STAT4: variants seen among roughly 807,000 people sequenced by gnomAD.
STAT4 encodes signal transducer and activator of transcription 4.
Under a neutral mutation model 110.5 loss-of-function variants are expected in STAT4, and 42 were observed. That is an observed-to-expected ratio of 0.38 (90% CI 0.30 to 0.49). The LOEUF (loss-of-function observed/expected upper bound fraction) is 0.49. STAT4 is among the 20% of genes least tolerant of loss of function. The pLI is 0.95. For synonymous variants in STAT4, 284 were observed against 302.2 expected, an observed-to-expected ratio of 0.94 and a Z score of 0.63; for missense variants, 632 against 887.9, an observed-to-expected ratio of 0.71 and a Z score of 3.66.
rs539010218 is a variant in STAT4 at position 191,039,679 on chromosome 2, A to G, written c.1336-382T>C. On this transcript the variant is annotated intron_variant, in intron 15 of 23. Transcript: ENST00000392320. The surrounding 1 kb of genome is among the most constrained non-coding windows in gnomAD (Gnocchi z 4.7). ...AAATAAAAGAATCTATTTTAAGTTT[A>G]TCTCTGGAATGAATCAGTACCTTCA... 2.3e-3 allele frequency among the ~76,000 whole-genome samples: 355 copies of G among 152,362 alleles called. 2 individuals carry two copies. The highest frequency in any genetic ancestry group is 3.8e-3 in the Non-Finnish European group (258 of 68,034).
chr2:191,041,352 T>C (rs73048720), intron 14 of STAT4: 1 of 227,482 alleles, frequency 4.4e-6, no homozygotes, highest in African/African-American at 2.3e-5. Context: ...AACAGAATGA[T>C]TTTAAGTCTT....
Position 191,147,197 on chromosome 2 carries a change from C to T in STAT4, c.129-440G>A, listed in dbSNP as rs555610454. On this transcript the variant is annotated intron_variant, in intron 2 of 23. Transcript: ENST00000392320. The surrounding 1 kb of genome is among the most constrained non-coding windows in gnomAD (Gnocchi z 4.1). The stretch of plus-strand genomic sequence containing the variant: ...AAGCAGGGACTCAAACAGATATTTG[C>T]ATACCAATGTTCCTAGCAGGGTTAT... Among the ~76,000 whole-genome samples the T allele has an allele frequency of 1.4e-4, 21 of 152,212 alleles. No homozygotes were observed. Among genetic ancestry groups the T allele is most frequent in the African/African-American group, 5.1e-4 (21 of 41,546 alleles).
chr2:191,041,367 A>C (rs1376476386), intron 14 of STAT4: 2 of 213,710 alleles, frequency 9.4e-6, no homozygotes, highest in Non-Finnish European at 1.8e-5. Flanking sequence ...AGTCTTCAAA[A>C]CAAGATAATT....
Position 191,032,933 on chromosome 2 carries a change from AC to A in STAT4, c.2044+24del, listed in dbSNP as rs752256304. The A allele has an allele frequency of 5.1e-6, 8 of 1,574,754 alleles. No individual in the cohort carries two copies. In the South Asian group the frequency reaches 9.5e-5, roughly 19 times the overall value. ...TTTCCAAAATCTTAAGGAAAAAAAA[AC>A]AAAAACAAACAGAAAAACCTAACCT... is the stretch of plus-strand genomic sequence containing the variant. On this transcript the variant is annotated intron_variant, in intron 21 of 23. Coordinates refer to ENST00000392320, the MANE Select transcript of STAT4 (RefSeq NM_003151.4). This position sits in a 1 kb window ranked among gnomAD's most constrained non-coding sequence, Gnocchi z 4.9.
At chr2:191,126,017 A>T (rs1698871402) in intron 3 of STAT4, among the ~76,000 whole-genome samples, 1 of 152,170 alleles carries the variant, frequency 6.6e-6, no homozygotes, top group South Asian at 2.1e-4. Flanking sequence ...AATGCCTACA[A>T]ATTAAATTTA....
rs1697647794 is a variant in STAT4 at position 191,086,815 on chromosome 2, C to G, written c.274-10490G>C. On this transcript the variant is annotated intron_variant, in intron 3 of 23. Transcript: ENST00000392320. This position sits in a 1 kb window ranked among gnomAD's most constrained non-coding sequence, Gnocchi z 5.5. ...TTTCTTAAAGCTTCTCAAACTGAAG[C>G]TAGGCAATTTAAACCTCAGGAGAAA... Among the ~76,000 whole-genome samples, 1 of 152,094 alleles carries G rather than the reference C, an allele frequency of 6.6e-6. No homozygotes were observed. Among genetic ancestry groups the G allele is most frequent in the African/African-American group, 2.4e-5 (1 of 41,400 alleles).
At chr2:191,038,260 C>T (rs1273140911) in intron 16 of STAT4, among the ~76,000 whole-genome samples, 1 of 152,052 alleles carries the variant, frequency 6.6e-6, no homozygotes, top group South Asian at 2.1e-4. Flanking sequence ...TTTGGGGCAC[C>T]CTGCACAGTC....
In STAT4 at chr2:191,039,107, A is replaced by T. The variant is rs1477205773; in HGVS notation, c.1434+92T>A. ...TAAAGCAACTCTCACCCCACACCCC[A>T]CTGGCACACACATGTTTTGATGCAG... On this transcript the variant is annotated intron_variant, in intron 16 of 23. Transcript: ENST00000392320. This position sits in a 1 kb window ranked among gnomAD's most constrained non-coding sequence, Gnocchi z 4.7. 9.0e-6 allele frequency: 10 copies of T among 1,111,794 alleles called. No individual in the cohort carries two copies. Among genetic ancestry groups the T allele is most frequent in the African/African-American group, 1.5e-5 (1 of 65,350 alleles). 68.9% of individuals were successfully genotyped at this position (1,111,794 alleles called of 1,614,324 possible).
chr2:191,047,806 T>C (rs12469996), intron 14 of STAT4, among the ~76,000 whole-genome samples: 53,395 of 151,778 alleles, frequency 0.35, 9,833 homozygotes, highest in Admixed American at 0.5. Context: ...GCTGGGACTA[T>C]GGGCGTGCGC....
intron 3 of STAT4, among the ~76,000 whole-genome samples, chr2:191,111,735 G>A (rs572597285): frequency 1.3e-5 from 2 of 152,106 alleles, no homozygotes; most frequent in African/African-American, 2.4e-5. Context: ...GGTGGTGCTC[G>A]CCTGTAGTGC....
At chr2:191,115,174 T>C (rs1698540766) in intron 3 of STAT4, among the ~76,000 whole-genome samples, 1 of 152,154 alleles carries the variant, frequency 6.6e-6, no homozygotes, top group Admixed American at 6.5e-5. Context: ...TTGAAAGAGA[T>C]AATTCCACCT....
In STAT4 at chr2:191,082,714, A is replaced by G. The variant is rs1038949887; in HGVS notation, c.274-6389T>C. ...AATTTCCAAATTTGACTTGTCATTA[A>G]AGAGTAACTAGTTCATCTGCTCTTT... On this transcript the variant is annotated intron_variant, in intron 3 of 23. Coordinates refer to ENST00000392320, the MANE Select transcript of STAT4 (RefSeq NM_003151.4). This position sits in a 1 kb window ranked among gnomAD's most constrained non-coding sequence, Gnocchi z 4.7. 1.3e-5 allele frequency among the ~76,000 whole-genome samples: 2 copies of G among 152,192 alleles called. No individual in the cohort carries two copies. The highest frequency in any genetic ancestry group is 2.4e-5 in the African/African-American group (1 of 41,440).
chr2:191,058,005 C>T lies in STAT4; in HGVS notation c.1206+13G>A. ...GGAAAAAAAAGCCTGTTTAACTTTA[C>T]TGCCAAACTTACCAAATGTCGAAAT... On this transcript the variant is annotated intron_variant, in intron 13 of 23. Coordinates refer to ENST00000392320, the MANE Select transcript of STAT4 (RefSeq NM_003151.4). The surrounding 1 kb of genome is among the most constrained non-coding windows in gnomAD (Gnocchi z 4.3). 1 of 1,609,152 alleles carries T rather than the reference C, an allele frequency of 6.2e-7. No individual in the cohort carries two copies. The highest frequency in any genetic ancestry group is 8.5e-7 in the Non-Finnish European group (1 of 1,175,680).
In STAT4 at chr2:191,099,936, T is replaced by C. The variant is rs1698110378; in HGVS notation, c.274-23611A>G. Among the ~76,000 whole-genome samples the C allele has an allele frequency of 6.6e-6, 1 of 152,156 alleles. No individual in the cohort carries two copies. The highest frequency in any genetic ancestry group is 1.5e-5 in the Non-Finnish European group (1 of 68,020). ...AGTGGTTATCTTATTTCAGTGGAATTTCAGGGGATTTTTTTTCTTTCTTCT... is the reference window on the plus strand; with the variant it reads ...AGTGGTTATCTTATTTCAGTGGAATCTCAGGGGATTTTTTTTCTTTCTTCT... On this transcript the variant is annotated intron_variant, in intron 3 of 23. Coordinates refer to ENST00000392320, the MANE Select transcript of STAT4 (RefSeq NM_003151.4). This position sits in a 1 kb window ranked among gnomAD's most constrained non-coding sequence, Gnocchi z 4.1.
intron 3 of STAT4, among the ~76,000 whole-genome samples, chr2:191,114,168 A>T (rs1395549760): frequency 2.0e-5 from 3 of 152,202 alleles, no homozygotes; most frequent in Non-Finnish European, 2.9e-5. Flanking sequence ...CTCAATCCTT[A>T]AGTGTTATAG....
chr2:191,064,756 G>A, intron 8 of STAT4, 51 bp downstream of exon 8: 4 of 1,580,548 alleles, frequency 2.5e-6, no homozygotes, highest in Non-Finnish European at 1.7e-6. Context: ...TGACACTGAA[G>A]TTTTGTGTTT....
rs1699358674 is a variant in STAT4, at chr2:191,142,367, A to G, written c.273+4246T>C. ...TAAAATAAGCCAGGCACAGAAAGAC[A>G]AATATCGCATGTTCTCACTCATATG... On this transcript the variant is annotated intron_variant, in intron 3 of 23. Transcript: ENST00000392320. The surrounding 1 kb of genome is among the most constrained non-coding windows in gnomAD (Gnocchi z 4.1). Among the ~76,000 whole-genome samples, 1 of 152,166 alleles carries G rather than the reference A, an allele frequency of 6.6e-6. No individual in the cohort carries two copies.
At chr2:191,074,324 T>G (rs1368494289) in intron 4 of STAT4, among the ~76,000 whole-genome samples, 1 of 152,218 alleles carries the variant, frequency 6.6e-6, no homozygotes. Context: ...TAACCTCAAG[T>G]AGAGCCCATG....
chr2:191,073,999 G>A (rs1697242955), intron 4 of STAT4, among the ~76,000 whole-genome samples: 1 of 152,054 alleles, frequency 6.6e-6, no homozygotes, highest in African/African-American at 2.4e-5. Flanking sequence ...TTTTAAAATG[G>A]TATAACGAAA....
Sources: allele counts gnomAD v4.1 joint callset (sites outside exome capture counted in the v4.1 genomes callset), GRCh38; gene constraint gnomAD v4.1.1; non-coding constraint Gnocchi (gnomAD v3.1); transcripts MANE v1.5; gene names NCBI Gene and HGNC (gene_info 2026-07-23, HGNC 2026-07-21).